NALF1: variants seen among roughly 807,000 people sequenced by gnomAD.
NALF1 encodes the protein family with sequence similarity 155 member A.
A neutral mutation model predicts 48.4 loss-of-function variants in NALF1; 3 were observed. That is an observed-to-expected ratio of 0.06 (90% CI 0.03 to 0.16). NALF1 has a LOEUF of 0.16. Ranked by LOEUF, NALF1 falls within the 10% of genes least tolerant of loss-of-function variation. The probability of loss-of-function intolerance (pLI) is 1.00; values close to 1 mark genes in which losing one functional copy is unlikely to be tolerated. For synonymous variants in NALF1, 262 were observed against 245.7 expected (o/e 1.07, Z -0.62); for missense variants, 526 against 571.5 (o/e 0.92, Z 0.81).
chr13:107,447,933 G>T lies in NALF1; in HGVS notation c.916-237178C>A, dbSNP rs143645653. Among the ~76,000 whole-genome samples the T allele has an allele frequency of 8.9e-4, 135 of 152,300 alleles. No individual in the cohort carries two copies. In the East Asian group the frequency reaches 0.02, roughly 22 times the overall value. On this transcript the variant is annotated intron_variant, in intron 1 of 2. Transcript: ENST00000375915. ...GAGGTAGTTGTAGAGTCCTGCTGAA[G>T]TCAGAAACATTTAAAAGTCTTCTGA...
intron 1 of NALF1, among the ~76,000 whole-genome samples, chr13:107,767,917 T>C (rs1286385846): frequency 8.5e-5 from 13 of 152,190 alleles, no homozygotes; most frequent in Admixed American, 8.5e-4. Context: ...GGGAGAGATG[T>C]ATGAAGTAGA....
chr13:107,347,889 C>A lies in NALF1; in HGVS notation c.916-137134G>T, dbSNP rs552710588. Among the ~76,000 whole-genome samples the A allele has an allele frequency of 2.6e-5, 4 of 152,252 alleles. No individual in the cohort carries two copies. In the South Asian group the frequency reaches 8.3e-4, roughly 32 times the overall value. On this transcript the variant is annotated intron_variant, in intron 1 of 2. Coordinates refer to ENST00000375915, the MANE Select transcript of NALF1 (RefSeq NM_001080396.3). ...CTTTTAAGATGCGTGGGTATCATGA[C>A]GCAAATCCTGCCACAAGAACGCTCC...
intron 1 of NALF1, among the ~76,000 whole-genome samples, chr13:107,734,220 A>G (rs1350704822): frequency 1.3e-5 from 2 of 152,106 alleles, no homozygotes; most frequent in Non-Finnish European, 2.9e-5. Context: ...GGCAGGGCAC[A>G]TGACCGTCTA....
intron 1 of NALF1, among the ~76,000 whole-genome samples, chr13:107,258,073 G>A (rs933045018): frequency 6.6e-6 from 1 of 152,132 alleles, no homozygotes; most frequent in African/African-American, 2.4e-5. Flanking sequence ...TTTGGGAGAA[G>A]ATAATTTGCT....
chr13:107,579,363 T>C (rs1035272538), intron 1 of NALF1, among the ~76,000 whole-genome samples: 3 of 152,346 alleles, frequency 2.0e-5, no homozygotes, highest in African/African-American at 4.8e-5. Flanking sequence ...AGTGCTGGGA[T>C]TACAGGCATA....
chr13:107,409,249 G>C (rs1278412704), intron 1 of NALF1, among the ~76,000 whole-genome samples: 2 of 152,118 alleles, frequency 1.3e-5, no homozygotes, highest in African/African-American at 4.8e-5. Flanking sequence ...AGAGATGCAA[G>C]AATACCAGGC....
chr13:107,501,396 CTTTG>C (rs113531762), intron 1 of NALF1, among the ~76,000 whole-genome samples: 38,722 of 151,868 alleles, frequency 0.25, 5,039 homozygotes, highest in East Asian at 0.28. Flanking sequence ...TTTCTTTCCA[CTTTG>C]TTTAATTTTT....
At chr13:107,450,123 T>A (rs1435819981) in intron 1 of NALF1, among the ~76,000 whole-genome samples, 3 of 152,186 alleles carry the variant, frequency 2.0e-5, no homozygotes, top group African/African-American at 4.8e-5. Context: ...AAGTGATTCC[T>A]TCCAGTTAGT....
chr13:107,839,399 A>T (rs1879986213), intron 1 of NALF1, among the ~76,000 whole-genome samples: 1 of 149,350 alleles, frequency 6.7e-6, no homozygotes, highest in African/African-American at 2.5e-5. Flanking sequence ...ATCACTTATT[A>T]TTTTATATAC....
chr13:107,849,337 T>C (rs886527411), intron 1 of NALF1, among the ~76,000 whole-genome samples: 2 of 152,164 alleles, frequency 1.3e-5, no homozygotes, highest in African/African-American at 4.8e-5. Context: ...CTGAATAAGA[T>C]TGTGTAGTAA....
chr13:107,588,230 G>A (rs566056865), intron 1 of NALF1, among the ~76,000 whole-genome samples: 15 of 152,218 alleles, frequency 9.9e-5, no homozygotes, highest in Middle Eastern at 3.4e-3. Flanking sequence ...AGAACAAAGA[G>A]CCTTAACAGA....
intron 1 of NALF1, among the ~76,000 whole-genome samples, chr13:107,221,678 T>C (rs1358646751): frequency 1.3e-5 from 2 of 152,192 alleles, no homozygotes; most frequent in African/African-American, 4.8e-5. Context: ...GTGATATTAT[T>C]CTAATTTATG....
chr13:107,261,133 G>A (rs1308921972), intron 1 of NALF1, among the ~76,000 whole-genome samples: 1 of 152,152 alleles, frequency 6.6e-6, no homozygotes, highest in Non-Finnish European at 1.5e-5. Context: ...GCTAATTCAT[G>A]GGTAAAATTA....
chr13:107,661,257 T>C (rs1175817391), intron 1 of NALF1, among the ~76,000 whole-genome samples: 1 of 152,198 alleles, frequency 6.6e-6, no homozygotes, highest in African/African-American at 2.4e-5. Flanking sequence ...CCTCTGAATC[T>C]TACTAGCATT....
intron 1 of NALF1, among the ~76,000 whole-genome samples, chr13:107,791,374 T>G (rs987584683): frequency 6.6e-6 from 1 of 152,132 alleles, no homozygotes; most frequent in Non-Finnish European, 1.5e-5. Context: ...TAGCTAGCTA[T>G]CAATCATCTA....
intron 1 of NALF1, among the ~76,000 whole-genome samples, chr13:107,339,124 ACT>A (rs1177614030): frequency 7.4e-5 from 9 of 121,884 alleles, no homozygotes; most frequent in East Asian, 4.7e-4. Flanking sequence ...ACAGAGGGAG[ACT>A]CTGTCTCAGA....
chr13:107,482,311 C>CACAA (rs1374690551), intron 1 of NALF1, among the ~76,000 whole-genome samples: 15 of 152,190 alleles, frequency 9.9e-5, no homozygotes, highest in Middle Eastern at 3.4e-3. Flanking sequence ...GTGGTATGAG[C>CACAA]CAATTCTTTA....
intron 1 of NALF1, among the ~76,000 whole-genome samples, chr13:107,265,727 A>G (rs1295806796): frequency 6.6e-6 from 1 of 151,986 alleles, no homozygotes; most frequent in Non-Finnish European, 1.5e-5. Context: ...TTGTTTTTTA[A>G]TGGAAACATA....
At chr13:107,430,975 T>G (rs1016836386) in intron 1 of NALF1, among the ~76,000 whole-genome samples, 1 of 152,196 alleles carries the variant, frequency 6.6e-6, no homozygotes, top group African/African-American at 2.4e-5. Flanking sequence ...TTTCCTGACT[T>G]TTTAATGATC....
Sources: allele counts gnomAD v4.1 joint callset (sites outside exome capture counted in the v4.1 genomes callset), GRCh38; gene constraint gnomAD v4.1.1; transcripts MANE v1.5; gene names NCBI Gene and HGNC (gene_info 2026-07-23, HGNC 2026-07-21).